TENM3: variants seen among roughly 807,000 people sequenced by gnomAD.
The protein encoded by TENM3 is teneurin transmembrane protein 3.
A neutral mutation model predicts 255.1 loss-of-function variants in TENM3; 63 were observed. The ratio of observed to expected loss-of-function variants is 0.25; its 90% CI spans 0.20 to 0.30. TENM3 has a LOEUF of 0.30. Ranked by LOEUF, TENM3 falls within the 10% of genes least tolerant of loss-of-function variation. The pLI, the probability that TENM3 is intolerant of heterozygous loss-of-function variation, is 1.00. For missense variants in TENM3, 2,929 were observed against 3,461.1 expected, an observed-to-expected ratio of 0.85 and a Z score of 3.86; for synonymous variants, 1,306 against 1,322.3, an observed-to-expected ratio of 0.99 and a Z score of 0.27.
chr4:182,167,727 T>C (rs556699724), intron 1 of TENM3, among the ~76,000 whole-genome samples: 1 of 151,942 alleles, frequency 6.6e-6, no homozygotes, highest in South Asian at 2.1e-4. Context: ...AAAAAAAACA[T>C]TAGCCGGGTG....
At chr4:181,974,706 T>G in the TENM3 span, among the ~76,000 whole-genome samples, 2 of 152,210 alleles carry the variant, frequency 1.3e-5, no homozygotes, top group Non-Finnish European at 2.9e-5. Flanking sequence ...GGCTTTTCAC[T>G]CTAAGTGGAA....
At chr4:182,505,122 ACTC>A (rs1313552503) in intron 3 of TENM3, among the ~76,000 whole-genome samples, 2 of 151,504 alleles carry the variant, frequency 1.3e-5, no homozygotes, top group African/African-American at 2.4e-5. Flanking sequence ...ACACTTTGAA[ACTC>A]CTCCTGTAGA....
rs1349897813 is a variant in TENM3 at position 182,792,677 on chromosome 4, G to A, written c.6005G>A (p.Arg2002Lys). 6.2e-7 allele frequency: 1 copy of A among 1,613,956 alleles called. No individual in the cohort carries two copies. The highest frequency in any genetic ancestry group is 8.5e-7 in the Non-Finnish European group (1 of 1,179,884). Residue 2002 changes from arginine to lysine, a missense_variant, in exon 26 of 28, where the codon AGG (arginine) becomes AAG (lysine). This residue lies in a region of TENM3 where 303 missense variants were observed against 425.2 expected (regional missense o/e 0.71). Coordinates refer to ENST00000511685, the MANE Select transcript of TENM3 (RefSeq NM_001080477.4). The surrounding 1 kb of genome is among the most constrained non-coding windows in gnomAD (Gnocchi z 6.3). The part of the protein sequence containing the change: ...RYRQIGPLID[R>K]QIFRFSEDGM... ...AGGCAAATTGGTCCCCTGATTGACA[G>A]GCAGATTTTCCGCTTTAGTGAAGAT...
At chr4:182,722,057 T>C (rs1579236304) in intron 13 of TENM3, among the ~76,000 whole-genome samples, 1 of 152,200 alleles carries the variant, frequency 6.6e-6, no homozygotes, top group African/African-American at 2.4e-5. Flanking sequence ...TGATATGACA[T>C]AAATTTGTCT....
the TENM3 span, among the ~76,000 whole-genome samples, chr4:181,920,407 G>C: frequency 5.4e-4 from 82 of 151,712 alleles, 1 homozygote; most frequent in East Asian, 1.6e-3. Flanking sequence ...TGTTTCCTGA[G>C]TTTTTAATGA....
chr4:181,605,574 G>GAGAGAGAGAAAGAA, the TENM3 span, among the ~76,000 whole-genome samples: 1 of 21,978 alleles, frequency 4.6e-5, no homozygotes, highest in Admixed American at 6.6e-4. Context: ...AAGAAAGAGA[G>GAGAGAGAGAAAGAA]AGAAAGAAAG....
chr4:181,822,057 G>A, the TENM3 span, among the ~76,000 whole-genome samples: 1 of 152,288 alleles, frequency 6.6e-6, no homozygotes, highest in Admixed American at 6.5e-5. Context: ...TAAATGAACA[G>A]GAGACTAGAG....
chr4:182,722,881 A>G (rs1404905592), intron 13 of TENM3, among the ~76,000 whole-genome samples: 1 of 152,196 alleles, frequency 6.6e-6, no homozygotes, highest in African/African-American at 2.4e-5. Flanking sequence ...GATGAAGAAA[A>G]GAAGCAACTG....
At chr4:181,610,469 T>G in the TENM3 span, among the ~76,000 whole-genome samples, 2 of 152,188 alleles carry the variant, frequency 1.3e-5, no homozygotes, top group Non-Finnish European at 2.9e-5. Flanking sequence ...TGCAGTTACA[T>G]CGAGCTTTTT....
At chr4:181,489,383 G>A in the TENM3 span, among the ~76,000 whole-genome samples, 1 of 151,246 alleles carries the variant, frequency 6.6e-6, no homozygotes, top group Non-Finnish European at 1.5e-5. Flanking sequence ...TGTGCACATA[G>A]GTGTGTGTGT....
At chr4:182,494,089 A>G (rs1007481853) in intron 3 of TENM3, among the ~76,000 whole-genome samples, 1 of 152,114 alleles carries the variant, frequency 6.6e-6, no homozygotes, top group Non-Finnish European at 1.5e-5. Context: ...TGCATTTTCT[A>G]ATTTCCTATT....
chr4:181,557,692 ATT>A, the TENM3 span, among the ~76,000 whole-genome samples: 8 of 150,246 alleles, frequency 5.3e-5, no homozygotes, highest in Non-Finnish European at 1.0e-4. Flanking sequence ...ACCCCCAGCT[ATT>A]TTTTTTTTGT....
chr4:181,703,987 T>C, the TENM3 span, among the ~76,000 whole-genome samples: 5 of 152,138 alleles, frequency 3.3e-5, no homozygotes, highest in Admixed American at 3.3e-4. Context: ...AGGAACGGAA[T>C]GACACATAGA....
chr4:181,749,119 G>T, the TENM3 span, among the ~76,000 whole-genome samples: 5 of 152,052 alleles, frequency 3.3e-5, no homozygotes, highest in Non-Finnish European at 7.4e-5. Flanking sequence ...TTCCAGAGGA[G>T]ATTTCTAGGA....
the TENM3 span, among the ~76,000 whole-genome samples, chr4:181,713,234 A>G: frequency 1.3e-5 from 2 of 152,300 alleles, no homozygotes. Flanking sequence ...TCCCATTGCT[A>G]CAAAGAAGAG....
At chr4:181,713,256 G>A in the TENM3 span, among the ~76,000 whole-genome samples, 5 of 152,188 alleles carry the variant, frequency 3.3e-5, no homozygotes, top group African/African-American at 1.2e-4. Context: ...TTGAACACCT[G>A]AATAAGAGCA....
At chr4:182,429,624 A>G (rs1478703759) in intron 3 of TENM3, among the ~76,000 whole-genome samples, 1 of 152,228 alleles carries the variant, frequency 6.6e-6, no homozygotes, top group Non-Finnish European at 1.5e-5. Context: ...ACTTAAATGA[A>G]ATTCAAATGA....
chr4:181,684,957 C>A, the TENM3 span, among the ~76,000 whole-genome samples: 2 of 120,820 alleles, frequency 1.7e-5, no homozygotes, highest in African/African-American at 6.3e-5. Context: ...GTAGAAACAG[C>A]ATCAAGCTAT....
In TENM3 at chr4:182,551,518, T is replaced by C. The variant is rs573964440; in HGVS notation, c.512-49406T>C. 6.6e-5 allele frequency among the ~76,000 whole-genome samples: 10 copies of C among 152,234 alleles called. No homozygotes were observed. The South Asian group carries it at 2.1e-3, about 32-fold the overall frequency. On this transcript the variant is annotated intron_variant, in intron 3 of 27. Coordinates refer to ENST00000511685, the MANE Select transcript of TENM3 (RefSeq NM_001080477.4). ...CTGTGATGATTAGAAAAGGACTGAATAAAGTGCAATGAATCTATTATAAAT... is the reference window on the plus strand; with the variant it reads ...CTGTGATGATTAGAAAAGGACTGAACAAAGTGCAATGAATCTATTATAAAT...
Sources: allele counts gnomAD v4.1 joint callset (sites outside exome capture counted in the v4.1 genomes callset), GRCh38; gene constraint gnomAD v4.1.1; regional missense constraint gnomAD v4.1.1; non-coding constraint Gnocchi (gnomAD v3.1); transcripts MANE v1.5; gene names NCBI Gene and HGNC (gene_info 2026-07-23, HGNC 2026-07-21).